Variants in PTPRD observed in about 807,000 individuals in gnomAD.
The protein encoded by PTPRD is receptor-type tyrosine-protein phosphatase delta.
Under a neutral mutation model 214.5 loss-of-function variants are expected in PTPRD, and 34 were observed. That is an observed-to-expected ratio of 0.16 (90% CI 0.12 to 0.21). PTPRD has a LOEUF of 0.21. Ranked by LOEUF, PTPRD falls within the 10% of genes least tolerant of loss-of-function variation. The pLI is 1.00. For missense variants in PTPRD, 2,545 were observed against 2,398.7 expected (o/e 1.06, Z -1.27); for synonymous variants, 1,128 against 845.7 (o/e 1.33, Z -5.79).
intron 3 of PTPRD, among the ~76,000 whole-genome samples, chr9:10,274,985 C>G (rs964932935): frequency 6.6e-6 from 1 of 152,086 alleles, no homozygotes; most frequent in South Asian, 2.1e-4. Flanking sequence ...TATCATGTAA[C>G]TAGGTATTGC....
chr9:10,474,167 C>A (rs2099048220), intron 2 of PTPRD, among the ~76,000 whole-genome samples: 3 of 151,780 alleles, frequency 2.0e-5, no homozygotes, highest in Admixed American at 6.6e-5. Context: ...GGCTAAATGC[C>A]CAATTAAAAG....
chr9:9,601,844 G>T (rs2093794327), intron 7 of PTPRD, among the ~76,000 whole-genome samples: 1 of 151,998 alleles, frequency 6.6e-6, no homozygotes, highest in South Asian at 2.1e-4. Context: ...ATGGTGAGAA[G>T]TCTATGAAAA....
rs147801286 is a variant in PTPRD, at chr9:8,535,064, C to T, written c.353-6285G>A. ...TTAATTGTATCTGCAGGATAATTAG[C>T]TTCTTTGAAAGTAATAATAGTACCA... On this transcript the variant is annotated intron_variant, in intron 14 of 45. Coordinates refer to ENST00000381196, the MANE Select transcript of PTPRD (RefSeq NM_002839.4). Among the ~76,000 whole-genome samples the T allele has an allele frequency of 1.3e-3, 193 of 151,880 alleles. 2 individuals are homozygous for T. The South Asian group carries it at 0.028, about 22-fold the overall frequency.
At chr9:9,185,161 G>C (rs2099930565) in intron 9 of PTPRD, among the ~76,000 whole-genome samples, 1 of 152,040 alleles carries the variant, frequency 6.6e-6, no homozygotes, top group African/African-American at 2.4e-5. Flanking sequence ...TGCCAATGGA[G>C]AGAAAATGAA....
At chr9:8,819,036 G>A (rs2096984299) in intron 11 of PTPRD, among the ~76,000 whole-genome samples, 2 of 152,066 alleles carry the variant, frequency 1.3e-5, no homozygotes, top group Admixed American at 6.6e-5. Flanking sequence ...GTCAGAAAAA[G>A]GCATAAAATG....
At chr9:9,372,351 C>A (rs1279410062) in intron 9 of PTPRD, among the ~76,000 whole-genome samples, 1 of 152,042 alleles carries the variant, frequency 6.6e-6, no homozygotes, top group Non-Finnish European at 1.5e-5. Flanking sequence ...TGAATTGATC[C>A]CTTTACAATT....
At chr9:9,130,777 T>C (rs2099841416) in intron 10 of PTPRD, among the ~76,000 whole-genome samples, 1 of 152,162 alleles carries the variant, frequency 6.6e-6, no homozygotes, top group African/African-American at 2.4e-5. Context: ...ATTAGGTTGC[T>C]GAGCTATTTT....
At chr9:9,904,890 T>C (rs1027907540) in intron 5 of PTPRD, among the ~76,000 whole-genome samples, 9 of 152,046 alleles carry the variant, frequency 5.9e-5, no homozygotes, top group African/African-American at 2.2e-4. Flanking sequence ...AGTGGGGATT[T>C]AATTTCTCAT....
At chr9:9,257,085 T>C (rs1318368241) in intron 9 of PTPRD, among the ~76,000 whole-genome samples, 2 of 151,958 alleles carry the variant, frequency 1.3e-5, no homozygotes, top group Non-Finnish European at 2.9e-5. Flanking sequence ...TGTATTAATA[T>C]CTTAACTGTG....
At chr9:8,851,230 T>A (rs1385787306) in intron 11 of PTPRD, among the ~76,000 whole-genome samples, 2 of 151,728 alleles carry the variant, frequency 1.3e-5, no homozygotes, top group Admixed American at 1.3e-4. Flanking sequence ...TTATTCTGCT[T>A]CAGTATTTTA....
intron 5 of PTPRD, among the ~76,000 whole-genome samples, chr9:9,885,352 G>C (rs2070443763): frequency 6.6e-6 from 1 of 152,006 alleles, no homozygotes; most frequent in Non-Finnish European, 1.5e-5. Flanking sequence ...AAAGATTTAA[G>C]ATGATGCCTC....
intron 11 of PTPRD, among the ~76,000 whole-genome samples, chr9:8,898,959 T>C (rs2098642701): frequency 6.6e-6 from 1 of 152,112 alleles, no homozygotes; most frequent in South Asian, 2.1e-4. Flanking sequence ...AAATAGGCAA[T>C]AATGGAACAT....
intron 26 of PTPRD, among the ~76,000 whole-genome samples, chr9:8,493,878 T>C (rs2097199802): frequency 6.6e-6 from 1 of 152,092 alleles, no homozygotes; most frequent in Non-Finnish European, 1.5e-5. Flanking sequence ...AACTGCAGGT[T>C]ATGGGATTCT....
chr9:9,840,864 A>G (rs1438143579), intron 5 of PTPRD, among the ~76,000 whole-genome samples: 3 of 150,584 alleles, frequency 2.0e-5, no homozygotes, highest in Admixed American at 1.3e-4. Context: ...ATTTCTTCCA[A>G]TTTGGTTTGG....
chr9:9,210,408 T>C (rs146118089), intron 9 of PTPRD, among the ~76,000 whole-genome samples: 129 of 152,336 alleles, frequency 8.5e-4, no homozygotes, highest in African/African-American at 3.0e-3. Flanking sequence ...CCAAAGATAC[T>C]TTGGGATTTG....
chr9:9,942,895 GTT>G (rs113089194), intron 4 of PTPRD, among the ~76,000 whole-genome samples: 4 of 120,120 alleles, frequency 3.3e-5, no homozygotes, highest in African/African-American at 6.3e-5. Flanking sequence ...GCTCTGAGTT[GTT>G]TTTTTTTTTT....
chr9:8,605,971 G>T (rs1595081085), intron 14 of PTPRD, among the ~76,000 whole-genome samples: 2 of 152,032 alleles, frequency 1.3e-5, no homozygotes, highest in African/African-American at 4.8e-5. Context: ...CGGGGAGCGG[G>T]GGTGTCGAGG....
At chr9:10,415,892 C>T (rs1587715234) in intron 2 of PTPRD, among the ~76,000 whole-genome samples, 2 of 151,532 alleles carry the variant, frequency 1.3e-5, no homozygotes, top group South Asian at 2.1e-4. Context: ...GAAGAAACAG[C>T]GGAGAGAAAG....
chr9:10,005,795 A>C (rs1390141653), intron 4 of PTPRD, among the ~76,000 whole-genome samples: 1 of 152,122 alleles, frequency 6.6e-6, no homozygotes, highest in Non-Finnish European at 1.5e-5. Flanking sequence ...CTCCTCATTT[A>C]ACAATCTGAA....
Sources: gnomAD v4.1 joint callset for allele counts (sites outside exome capture counted in the v4.1 genomes callset) on GRCh38, gnomAD v4.1.1 for gene constraint, MANE v1.5 for transcripts, NCBI Gene and HGNC (gene_info 2026-07-23, HGNC 2026-07-21) for gene names.